ZFTRAF1: variants seen among roughly 807,000 people sequenced by gnomAD.
The protein encoded by ZFTRAF1 is zinc finger TRAF-type-containing protein 1.
the ZFTRAF1 span, chr8:144,462,167 G>T: frequency 5.4e-6 from 2 of 371,286 alleles, no homozygotes; most frequent in Admixed American, 9.6e-5. Context: ...GCCAGAGAGG[G>T]TTCCCGGCCG....
At chr8:144,455,824 C>G in the ZFTRAF1 span, 3 of 152,254 alleles carry the variant, frequency 2.0e-5, no homozygotes, top group Non-Finnish European at 4.4e-5. Flanking sequence ...GGGTCCTAGA[C>G]CCTCCTAAGG....
At chr8:144,458,580 G>A in the ZFTRAF1 span, among the ~76,000 whole-genome samples, 1 of 151,986 alleles carries the variant, frequency 6.6e-6, no homozygotes, top group African/African-American at 2.4e-5. Flanking sequence ...GGCTCGGGCA[G>A]AGAGGAGCCA....
the ZFTRAF1 span, among the ~76,000 whole-genome samples, chr8:144,461,509 G>A: frequency 1.3e-5 from 2 of 152,164 alleles, no homozygotes; most frequent in African/African-American, 2.4e-5. Flanking sequence ...CCATGCGGAT[G>A]TGAAGATGGG....
At chr8:144,458,239 G>A in the ZFTRAF1 span, among the ~76,000 whole-genome samples, 9 of 152,322 alleles carry the variant, frequency 5.9e-5, no homozygotes, top group Non-Finnish European at 7.4e-5. Context: ...GACCTCAAAC[G>A]GTGGCCAATC....
the ZFTRAF1 span, chr8:144,452,683 G>T: frequency 2.0e-6 from 2 of 991,794 alleles, no homozygotes; most frequent in African/African-American, 1.6e-5. Context: ...CAGGACACAC[G>T]TAACTGTGAG....
chr8:144,450,895 G>C, the ZFTRAF1 span: 1 of 599,456 alleles, frequency 1.7e-6, no homozygotes, highest in Non-Finnish European at 3.0e-6. Flanking sequence ...CCCGGACACC[G>C]GGCTCTGCTT....
chr8:144,452,296 T>G, the ZFTRAF1 span: 1 of 1,520,904 alleles, frequency 6.6e-7, no homozygotes. Context: ...GCCCCCAGAC[T>G]CCTGGCTGCC....
the ZFTRAF1 span, chr8:144,455,213 G>A: frequency 6.6e-6 from 1 of 152,244 alleles, no homozygotes; most frequent in African/African-American, 2.4e-5. Context: ...TTCTCAGGAG[G>A]CTGAGGCAGG....
the ZFTRAF1 span, among the ~76,000 whole-genome samples, chr8:144,458,517 T>C: frequency 6.6e-6 from 1 of 152,150 alleles, no homozygotes; most frequent in Non-Finnish European, 1.5e-5. Flanking sequence ...GACATGTGGA[T>C]GGTGACTCCA....
At chr8:144,462,019 G>A in the ZFTRAF1 span, among the ~76,000 whole-genome samples, 6 of 152,208 alleles carry the variant, frequency 3.9e-5, no homozygotes, top group Non-Finnish European at 5.9e-5. Flanking sequence ...GAAGACAAGC[G>A]ATTCAGATCG....
the ZFTRAF1 span, chr8:144,452,015 G>A: frequency 2.7e-6 from 1 of 371,380 alleles, no homozygotes; most frequent in East Asian, 6.2e-5. Flanking sequence ...CCTGAGACCT[G>A]CCCACTTTCT....
the ZFTRAF1 span, chr8:144,450,661 G>A: frequency 3.8e-5 from 27 of 717,894 alleles, no homozygotes; most frequent in Middle Eastern, 4.6e-4. Flanking sequence ...GCTCCGAGTC[G>A]TTGACTCGAG....
At chr8:144,462,387 C>T in the ZFTRAF1 span, 2 of 431,990 alleles carry the variant, frequency 4.6e-6, no homozygotes, top group Admixed American at 3.9e-5. Flanking sequence ...GCCGCCGCCG[C>T]CGCCTCGGCC....
the ZFTRAF1 span, among the ~76,000 whole-genome samples, chr8:144,458,931 C>A: frequency 6.6e-6 from 1 of 152,324 alleles, no homozygotes; most frequent in East Asian, 1.9e-4. Flanking sequence ...CCCGAGTGAG[C>A]CCGTTTTTGC....
chr8:144,452,302 C>G, the ZFTRAF1 span: 3 of 1,530,370 alleles, frequency 2.0e-6, no homozygotes, highest in Non-Finnish European at 2.6e-6. Context: ...AGACTCCTGG[C>G]TGCCAGCCCC....
chr8:144,461,681 A>G, the ZFTRAF1 span, among the ~76,000 whole-genome samples: 2 of 152,172 alleles, frequency 1.3e-5, no homozygotes, highest in Non-Finnish European at 2.9e-5. Context: ...CTTGTTGCAA[A>G]TGGTTCATCC....
the ZFTRAF1 span, chr8:144,453,558 G>A: frequency 3.5e-6 from 4 of 1,131,152 alleles, no homozygotes; most frequent in Non-Finnish European, 5.0e-6. Flanking sequence ...TGTCCTGAGG[G>A]ACTCCAGCTG....
the ZFTRAF1 span, among the ~76,000 whole-genome samples, chr8:144,461,262 C>G: frequency 1.3e-5 from 2 of 152,252 alleles, no homozygotes; most frequent in African/African-American, 4.8e-5. Context: ...AACAAGGCCC[C>G]ATTAGCTACT....
At chr8:144,462,030 G>A in the ZFTRAF1 span, among the ~76,000 whole-genome samples, 4 of 152,194 alleles carry the variant, frequency 2.6e-5, no homozygotes, top group Admixed American at 6.5e-5. Context: ...ATTCAGATCG[G>A]GAAGTACCGT....
Sources: allele counts gnomAD v4.1 joint callset (sites outside exome capture counted in the v4.1 genomes callset), GRCh38; gene constraint gnomAD v4.1.1; transcripts MANE v1.5; gene names NCBI Gene and HGNC (gene_info 2026-07-23, HGNC 2026-07-21).